Variants in TANC2 observed in about 807,000 individuals in gnomAD.
TANC2 encodes tetratricopeptide repeat, ankyrin repeat and coiled-coil containing 2, also known as protein TANC2.
A neutral mutation model predicts 210.5 loss-of-function variants in TANC2; 26 were observed. That is an observed-to-expected ratio of 0.12 (90% CI 0.09 to 0.17). TANC2 has a LOEUF of 0.17. Ranked by LOEUF, TANC2 falls within the 10% of genes least tolerant of loss-of-function variation. The probability of loss-of-function intolerance (pLI) is 1.00; values close to 1 mark genes in which losing one functional copy is unlikely to be tolerated. For missense variants in TANC2, 2,129 were observed against 2,608.9 expected (o/e 0.82, Z 4.01); for synonymous variants, 931 against 967.1 (o/e 0.96, Z 0.69).
chr17:63,356,143 A>C (rs1312664689), intron 14 of TANC2, among the ~76,000 whole-genome samples: 1 of 152,102 alleles, frequency 6.6e-6, no homozygotes. Flanking sequence ...TTTCCCAATG[A>C]GCTTGAACCT....
At chr17:63,384,227 A>G (rs1367545837) in intron 15 of TANC2, among the ~76,000 whole-genome samples, 1 of 151,986 alleles carries the variant, frequency 6.6e-6, no homozygotes, top group Non-Finnish European at 1.5e-5. Flanking sequence ...ACAGTACTAC[A>G]CCTGGCTAAT....
At chr17:63,158,995 A>G (rs1479296565) in intron 5 of TANC2, among the ~76,000 whole-genome samples, 1 of 152,198 alleles carries the variant, frequency 6.6e-6, no homozygotes, top group African/African-American at 2.4e-5. Flanking sequence ...GTTCCTTGCT[A>G]TGTGGGCGTC....
At chr17:63,359,268 T>TCTCAAA (rs2046883510) in intron 14 of TANC2, among the ~76,000 whole-genome samples, 1 of 151,894 alleles carries the variant, frequency 6.6e-6, no homozygotes, top group African/African-American at 2.4e-5. Context: ...GTGTTCCTGG[T>TCTCAAA]CTCAAACTCA....
At chr17:63,112,270 T>C (rs577321986) in intron 4 of TANC2, among the ~76,000 whole-genome samples, 1 of 152,216 alleles carries the variant, frequency 6.6e-6, no homozygotes, top group East Asian at 1.9e-4. Flanking sequence ...ATGAAGTAGA[T>C]GCATAAGCAG....
intron 5 of TANC2, among the ~76,000 whole-genome samples, chr17:63,176,227 T>C (rs963054889): frequency 2.0e-5 from 3 of 152,208 alleles, no homozygotes; most frequent in African/African-American, 7.2e-5. Context: ...ATATGTCCAC[T>C]TAAAGACTTT....
intron 12 of TANC2, among the ~76,000 whole-genome samples, chr17:63,343,143 A>G (rs2046293754): frequency 6.6e-6 from 1 of 152,182 alleles, no homozygotes; most frequent in South Asian, 2.1e-4. Flanking sequence ...CATTACATGT[A>G]AATGGGCTAA....
rs568902279 is a variant in TANC2 at position 63,199,073 on chromosome 17, A to T, written c.583-1698A>T. On this transcript the variant is annotated intron_variant, in intron 6 of 27. Coordinates refer to ENST00000689528, the Ensembl canonical transcript of TANC2. ...TATTTAAATTAAAATCAAAACCTAG[A>T]TTCAACAGAGATGATTAAACACAAG... Among the ~76,000 whole-genome samples, 4 of 152,318 alleles carry T rather than the reference A, an allele frequency of 2.6e-5. No homozygotes were observed. In the East Asian group the frequency reaches 7.7e-4, roughly 29 times the overall value.
At chr17:63,097,184 G>T (rs1375332295) in intron 3 of TANC2, among the ~76,000 whole-genome samples, 30 of 151,900 alleles carry the variant, frequency 2.0e-4, no homozygotes, top group Non-Finnish European at 2.9e-5. Context: ...GGGACTACAG[G>T]TACATGCCAC....
chr17:63,181,952 T>C (rs2040799630), intron 5 of TANC2, among the ~76,000 whole-genome samples: 1 of 152,200 alleles, frequency 6.6e-6, no homozygotes, highest in Non-Finnish European at 1.5e-5. Context: ...CAGTGAGGTG[T>C]AGGTAGTAGG....
chr17:63,191,646 A>G (rs1163067036), intron 5 of TANC2, among the ~76,000 whole-genome samples: 3 of 151,672 alleles, frequency 2.0e-5, no homozygotes, highest in South Asian at 4.2e-4. Flanking sequence ...TATTTTTTGC[A>G]GAGACGGGGT....
intron 15 of TANC2, among the ~76,000 whole-genome samples, chr17:63,383,239 G>A (rs1200088893): frequency 6.6e-6 from 1 of 152,058 alleles, no homozygotes; most frequent in Non-Finnish European, 1.5e-5. Flanking sequence ...TTTATGTTAG[G>A]GTCCACTCTG....
At chr17:62,980,690 C>T (rs898371771) in intron 1 of TANC2, among the ~76,000 whole-genome samples, 2 of 152,166 alleles carry the variant, frequency 1.3e-5, no homozygotes, top group Non-Finnish European at 2.9e-5. Context: ...CTTTGAAAAA[C>T]TATAGATGCC....
At chr17:63,114,067 T>A (rs895784704) in intron 4 of TANC2, among the ~76,000 whole-genome samples, 5 of 152,228 alleles carry the variant, frequency 3.3e-5, no homozygotes, top group South Asian at 2.1e-4. Flanking sequence ...AGATTTGATA[T>A]GTGTATCTTA....
intron 10 of TANC2, among the ~76,000 whole-genome samples, chr17:63,318,404 G>C (rs570991407): frequency 2.0e-5 from 3 of 152,280 alleles, no homozygotes; most frequent in Non-Finnish European, 4.4e-5. Context: ...ATAATTCACA[G>C]AGTTGTATAG....
chr17:63,199,308 A>G lies in TANC2; in HGVS notation c.583-1463A>G, dbSNP rs116212966. Among the ~76,000 whole-genome samples, 660 of 152,258 alleles carry G rather than the reference A, an allele frequency of 4.3e-3. 6 individuals are homozygous for G. Among genetic ancestry groups the G allele is most frequent in the African/African-American group, 0.014 (576 of 41,524 alleles). ...GCGTCTTCAAGTAATTTTGCTGCTG[A>G]TCACTTAATAATTTTAAAAACGATA... On this transcript the variant is annotated intron_variant, in intron 6 of 27. Transcript: ENST00000689528.
At chr17:62,987,765 G>A (rs2032645430) in intron 1 of TANC2, among the ~76,000 whole-genome samples, 1 of 152,148 alleles carries the variant, frequency 6.6e-6, no homozygotes, top group Non-Finnish European at 1.5e-5. Context: ...AATCTTAGCT[G>A]TTTGTTGCCT....
At chr17:63,390,080 C>T (rs1599010415) in intron 17 of TANC2, 1 of 157,908 alleles carries the variant, frequency 6.3e-6, no homozygotes, top group East Asian at 1.9e-4. Context: ...CGAAGTGCTT[C>T]TGTTAGTACT....
At chr17:63,149,128 T>C (rs1036077095) in intron 4 of TANC2, 7 of 152,136 alleles carry the variant, frequency 4.6e-5, no homozygotes, top group Non-Finnish European at 7.4e-5. Flanking sequence ...AATAAAGAAG[T>C]TGGTATACAT....
intron 10 of TANC2, among the ~76,000 whole-genome samples, chr17:63,318,537 C>T (rs2045388208): frequency 6.6e-6 from 1 of 152,216 alleles, no homozygotes. Context: ...CACTAATTTA[C>T]TTTCTGTCTC....
Sources: allele counts gnomAD v4.1 joint callset (sites outside exome capture counted in the v4.1 genomes callset), GRCh38; gene constraint gnomAD v4.1.1; transcripts MANE v1.5; gene names NCBI Gene and HGNC (gene_info 2026-07-23, HGNC 2026-07-21).